Variants in CFAP20DC observed in about 807,000 individuals in gnomAD.
The protein encoded by CFAP20DC is CFAP20 domain containing, also known as protein CFAP20DC.
A neutral mutation model predicts 101.7 loss-of-function variants in CFAP20DC; 84 were observed. The ratio of observed to expected loss-of-function variants is 0.83; its 90% CI spans 0.69 to 0.99. The LOEUF (loss-of-function observed/expected upper bound fraction) is 0.99, where lower values mean the gene tolerates loss of function less well. Among genes scored for constraint, CFAP20DC ranks in the 50% least tolerant of loss-of-function variants. The pLI, the probability that CFAP20DC is intolerant of heterozygous loss-of-function variation, is 0.00. For synonymous variants in CFAP20DC, 359 were observed against 351.2 expected, an observed-to-expected ratio of 1.02 and a Z score of -0.25; for missense variants, 1,007 against 970.3, an observed-to-expected ratio of 1.04 and a Z score of -0.50.
chr3:58,858,266 T>G (rs907716679), intron 12 of CFAP20DC, among the ~76,000 whole-genome samples: 2 of 152,194 alleles, frequency 1.3e-5, no homozygotes, highest in Non-Finnish European at 2.9e-5. Context: ...TTGTTAAATA[T>G]TCAGTCACGC....
chr3:58,884,414 G>T, intron 7 of CFAP20DC, 131 bp downstream of exon 7: 1 of 751,622 alleles, frequency 1.3e-6, no homozygotes, highest in Non-Finnish European at 2.1e-6. Context: ...GGCGTGGTAT[G>T]TGGCAAGTAT....
At chr3:58,898,456 T>C (rs575742578) in intron 6 of CFAP20DC, among the ~76,000 whole-genome samples, 1 of 152,352 alleles carries the variant, frequency 6.6e-6, no homozygotes, top group South Asian at 2.1e-4. Context: ...ATTATAGGTG[T>C]TAGCCACTGT....
In CFAP20DC at chr3:58,914,013, T is replaced by C. The variant is rs2084422469; in HGVS notation, c.394-149A>G. On this transcript the variant is annotated intron_variant, in intron 5 of 16. Transcript: ENST00000482387. This position sits in a 1 kb window ranked among gnomAD's most constrained non-coding sequence, Gnocchi z 4.9. ...TTTCCTCTTTAGGTAAACTTATCTC[T>C]GTTTTGGCTTAAAAACTGACTTGAT... 2.6e-6 allele frequency: 2 copies of C among 773,846 alleles called. No individual in the cohort carries two copies. The highest frequency in any genetic ancestry group is 1.8e-5 in the African/African-American group (1 of 57,060). 47.9% of individuals were successfully genotyped at this position (773,846 alleles called of 1,614,324 possible). A position where few individuals can be genotyped will look rare whatever the true frequency, so the allele number is the denominator to read the frequency against.
chr3:58,975,106 G>C (rs952626229), intron 4 of CFAP20DC, among the ~76,000 whole-genome samples: 2 of 152,250 alleles, frequency 1.3e-5, no homozygotes, highest in South Asian at 4.1e-4. Flanking sequence ...TTCACACTTG[G>C]TGTGTCCTTA....
chr3:58,770,724 C>T (rs73837952), intron 15 of CFAP20DC, among the ~76,000 whole-genome samples: 4,361 of 152,180 alleles, frequency 0.029, 225 homozygotes, highest in African/African-American at 0.098. Flanking sequence ...ATTATGAAGG[C>T]GCTGGGGACC....
At chr3:58,948,016 A>G (rs913850118) in intron 4 of CFAP20DC, among the ~76,000 whole-genome samples, 1 of 152,110 alleles carries the variant, frequency 6.6e-6, no homozygotes, top group African/African-American at 2.4e-5. Flanking sequence ...CAGTATTTCC[A>G]AGTTGTATAT....
intron 4 of CFAP20DC, among the ~76,000 whole-genome samples, chr3:58,954,034 T>C (rs535647426): frequency 2.0e-4 from 31 of 152,338 alleles, no homozygotes; most frequent in African/African-American, 6.7e-4. Context: ...TTTATAATAA[T>C]ATTCTAGTGA....
rs776276876 is a variant in CFAP20DC at position 58,806,391 on chromosome 3, T to C, written c.2237+4A>G. On this transcript the variant is annotated splice_donor_region_variant and intron_variant, in intron 15 of 16. Transcript: ENST00000482387. The stretch of plus-strand genomic sequence containing the variant: ...CTTAAATGTAGATTATTAATGATTC[T>C]TACCGGGGATTAGAAGGAGAAGGTG... 1.3e-6 allele frequency: 2 copies of C among 1,576,214 alleles called. No homozygotes were observed. Among genetic ancestry groups the C allele is most frequent in the South Asian group, 1.1e-5 (1 of 90,300 alleles).
chr3:58,861,756 G>T lies in CFAP20DC; in HGVS notation c.1593+1802C>A, dbSNP rs936625045. On this transcript the variant is annotated intron_variant, in intron 12 of 16. Coordinates refer to ENST00000482387, the MANE Select transcript of CFAP20DC (RefSeq NM_001394063.1). The surrounding 1 kb of genome is among the most constrained non-coding windows in gnomAD (Gnocchi z 4.0). ...TCTGATTAAAGGGTGGTGAGTGCCA[G>T]TGTTGGCAATGGGATGGTCTCACCA... 2.0e-6 allele frequency: 2 copies of T among 985,458 alleles called. No individual in the cohort carries two copies. Among genetic ancestry groups the T allele is most frequent in the Non-Finnish European group, 2.4e-6 (2 of 829,926 alleles). The allele number at this position is 985,458 out of a possible 1,614,324, so 61.0% of individuals were successfully genotyped here.
intron 15 of CFAP20DC, among the ~76,000 whole-genome samples, chr3:58,786,107 T>C (rs576750286): frequency 3.3e-5 from 5 of 152,304 alleles, no homozygotes; most frequent in East Asian, 1.9e-4. Flanking sequence ...TCCCACAGGA[T>C]GTGTGCTGCA....
At chr3:58,983,991 T>C (rs1238850836) in intron 4 of CFAP20DC, among the ~76,000 whole-genome samples, 1 of 152,238 alleles carries the variant, frequency 6.6e-6, no homozygotes, top group Non-Finnish European at 1.5e-5. Flanking sequence ...GTGTAAGGCA[T>C]GATTTCAGGA....
chr3:58,745,690 G>T (rs1299977570), intron 16 of CFAP20DC, among the ~76,000 whole-genome samples: 1 of 152,166 alleles, frequency 6.6e-6, no homozygotes, highest in Non-Finnish European at 1.5e-5. Context: ...AATAAATCAT[G>T]AACTATAGGC....
intron 15 of CFAP20DC, among the ~76,000 whole-genome samples, chr3:58,765,793 A>G (rs2070255775): frequency 6.6e-6 from 1 of 152,184 alleles, no homozygotes; most frequent in Non-Finnish European, 1.5e-5. Context: ...ATCATTTAGT[A>G]TCAGTGTACA....
At chr3:58,878,094 A>T (rs1271480510) in intron 7 of CFAP20DC, among the ~76,000 whole-genome samples, 1 of 152,214 alleles carries the variant, frequency 6.6e-6, no homozygotes, top group African/African-American at 2.4e-5. Flanking sequence ...TATTTTAATT[A>T]AAAACTTTCT....
chr3:59,009,549 A>G (rs116780373), intron 4 of CFAP20DC, among the ~76,000 whole-genome samples: 1,765 of 152,318 alleles, frequency 0.012, 37 homozygotes, highest in African/African-American at 0.04. Flanking sequence ...AATATACTAG[A>G]ACAAGTAGAA....
Position 58,863,299 on chromosome 3 carries a change from T to G in CFAP20DC, c.1593+259A>C. 7.1e-7 allele frequency: 1 copy of G among 1,411,368 alleles called. No homozygotes were observed. The highest frequency in any genetic ancestry group is 9.2e-7 in the Non-Finnish European group (1 of 1,091,990). The allele number at this position is 1,411,368 out of a possible 1,614,324, so 87.4% of individuals were successfully genotyped here. A position where few individuals can be genotyped will look rare whatever the true frequency, so the allele number is the denominator to read the frequency against. ...GTTTCTCATCCTGTGATTCAAAGAT[T>G]AAAATGAAAAAACAGAAAGAAACCC... On this transcript the variant is annotated intron_variant, in intron 12 of 16. Transcript: ENST00000482387. This position sits in a 1 kb window ranked among gnomAD's most constrained non-coding sequence, Gnocchi z 5.9.
chr3:58,780,944 G>A (rs577282475), intron 15 of CFAP20DC, among the ~76,000 whole-genome samples: 12 of 151,862 alleles, frequency 7.9e-5, no homozygotes, highest in East Asian at 5.8e-4. Flanking sequence ...TGAACCCAAC[G>A]GAAATTTAAA....
chr3:58,906,970 T>G (rs1414953519), intron 6 of CFAP20DC, among the ~76,000 whole-genome samples: 1 of 152,066 alleles, frequency 6.6e-6, no homozygotes, highest in Non-Finnish European at 1.5e-5. Context: ...AAAGTAAACT[T>G]CTTAGGTCAG....
chr3:58,905,031 C>T (rs891123363), intron 6 of CFAP20DC, among the ~76,000 whole-genome samples: 2 of 152,172 alleles, frequency 1.3e-5, no homozygotes, highest in Non-Finnish European at 2.9e-5. Flanking sequence ...CATGAAAATA[C>T]AGGGTCTATG....
Sources: allele counts gnomAD v4.1 joint callset (sites outside exome capture counted in the v4.1 genomes callset), GRCh38; gene constraint gnomAD v4.1.1; non-coding constraint Gnocchi (gnomAD v3.1); transcripts MANE v1.5; gene names NCBI Gene and HGNC (gene_info 2026-07-23, HGNC 2026-07-21).